Variants in ZNF184 observed in about 807,000 individuals in gnomAD.
ZNF184 encodes the protein zinc finger protein 184, also known as zinc finger protein 184 (Kruppel-like).
In ZNF184, 16 loss-of-function variants were observed where a neutral mutation model predicts 54.4. The ratio of observed to expected loss-of-function variants is 0.29; its 90% CI spans 0.20 to 0.45. The LOEUF is 0.45. Among genes scored for constraint, ZNF184 ranks in the 20% least tolerant of loss-of-function variants. The pLI is 1.00. For missense variants in ZNF184, 681 were observed against 888.2 expected (o/e 0.77, Z 2.97); for synonymous variants, 254 against 295.3 (o/e 0.86, Z 1.43).
chr6:27,414,959 C>T, the ZNF184 span, among the ~76,000 whole-genome samples: 1 of 152,162 alleles, frequency 6.6e-6, no homozygotes, highest in Non-Finnish European at 1.5e-5. Flanking sequence ...CTGGGCAAAT[C>T]ATTTAATCTC....
intron 3 of ZNF184, 97 bp from the exon 4 acceptor site, chr6:27,457,506 G>A (rs1762888188): frequency 2.3e-6 from 3 of 1,320,056 alleles, no homozygotes; most frequent in Non-Finnish European, 3.1e-6. Context: ...TCTATAGGAT[G>A]TCTGCAAAAT....
chr6:27,454,418 C>G (rs563399074), intron 5 of ZNF184, among the ~76,000 whole-genome samples: 7 of 152,098 alleles, frequency 4.6e-5, no homozygotes, highest in African/African-American at 9.7e-5. Context: ...GGAGGGACGA[C>G]ATCAATACAA....
At chr6:27,416,024 G>A in the ZNF184 span, among the ~76,000 whole-genome samples, 2 of 152,098 alleles carry the variant, frequency 1.3e-5, no homozygotes, top group Non-Finnish European at 2.9e-5. Context: ...GCTTGTAGAT[G>A]GCATTCTCCC....
At chr6:27,437,110 A>C in the ZNF184 span, among the ~76,000 whole-genome samples, 1 of 152,230 alleles carries the variant, frequency 6.6e-6, no homozygotes, top group African/African-American at 2.4e-5. Flanking sequence ...GAATTGTCAG[A>C]TGATTCCCAT....
At chr6:27,416,335 A>G in the ZNF184 span, among the ~76,000 whole-genome samples, 1 of 152,222 alleles carries the variant, frequency 6.6e-6, no homozygotes. Flanking sequence ...CAATTACCCA[A>G]AAGGATAGAG....
chr6:27,470,611 G>C (rs1223673386), intron 2 of ZNF184, among the ~76,000 whole-genome samples: 3 of 152,158 alleles, frequency 2.0e-5, no homozygotes, highest in Non-Finnish European at 4.4e-5. Flanking sequence ...TAAATGCACA[G>C]ACAGGTACCT....
intron 3 of ZNF184, among the ~76,000 whole-genome samples, chr6:27,458,312 A>C (rs1009094329): frequency 8.0e-5 from 12 of 150,324 alleles, no homozygotes; most frequent in African/African-American, 2.2e-4. Context: ...AAAAAAAAAA[A>C]AAAAAAAACA....
At chr6:27,458,441 T>C (rs1213285231) in intron 3 of ZNF184, among the ~76,000 whole-genome samples, 2 of 151,256 alleles carry the variant, frequency 1.3e-5, no homozygotes, top group Non-Finnish European at 2.9e-5. Flanking sequence ...AATAATACCA[T>C]TAAAAAGTGG....
At chr6:27,457,805 G>A (rs574491564) in intron 3 of ZNF184, among the ~76,000 whole-genome samples, 1 of 152,186 alleles carries the variant, frequency 6.6e-6, no homozygotes, top group African/African-American at 2.4e-5. Context: ...AAAAAGAGAG[G>A]TGGAAAGACT....
chr6:27,431,222 C>A, the ZNF184 span, among the ~76,000 whole-genome samples: 2 of 152,190 alleles, frequency 1.3e-5, no homozygotes, highest in African/African-American at 4.8e-5. Flanking sequence ...AGGCCACAAT[C>A]AAGATGAATC....
chr6:27,424,156 G>A, the ZNF184 span, among the ~76,000 whole-genome samples: 77,627 of 151,972 alleles, frequency 0.51, 20,511 homozygotes, highest in Middle Eastern at 0.72. Flanking sequence ...TGAAGCTGCA[G>A]ACCTTTGCGG....
At chr6:27,445,500 G>A in the ZNF184 span, among the ~76,000 whole-genome samples, 1 of 152,058 alleles carries the variant, frequency 6.6e-6, no homozygotes, top group Non-Finnish European at 1.5e-5. Flanking sequence ...TGCCATTATT[G>A]AGAAAGTGGG....
chr6:27,459,900 C>T (rs1762955431), intron 3 of ZNF184, among the ~76,000 whole-genome samples: 1 of 152,198 alleles, frequency 6.6e-6, no homozygotes, highest in African/African-American at 2.4e-5. Context: ...TGGTGGCTCA[C>T]ACCTGCAATC....
chr6:27,423,868 A>G, the ZNF184 span, among the ~76,000 whole-genome samples: 4 of 152,218 alleles, frequency 2.6e-5, no homozygotes, highest in African/African-American at 4.8e-5. Context: ...GAATTCTTAT[A>G]CCACGTATCA....
At chr6:27,444,714 C>T in the ZNF184 span, among the ~76,000 whole-genome samples, 1 of 152,188 alleles carries the variant, frequency 6.6e-6, no homozygotes, top group African/African-American at 2.4e-5. Context: ...TATTAAACCT[C>T]TCAGAAGTGT....
the ZNF184 span, among the ~76,000 whole-genome samples, chr6:27,431,786 T>A: frequency 6.6e-6 from 1 of 152,170 alleles, no homozygotes; most frequent in African/African-American, 2.4e-5. Context: ...TAATGAGTTG[T>A]GCTTAATCAA....
At chr6:27,426,713 ACAGT>A in the ZNF184 span, among the ~76,000 whole-genome samples, 1 of 152,258 alleles carries the variant, frequency 6.6e-6, no homozygotes, top group Non-Finnish European at 1.5e-5. The surrounding 1 kb of genome is among the most constrained non-coding windows in gnomAD (Gnocchi z 4.2). Flanking sequence ...TCCTTTTAAT[ACAGT>A]CAGATTTCAG....
In ZNF184 at chr6:27,450,986, G is replaced by T; in HGVS notation, c.*317C>A. ...CAACACAGCAAAATGCTGATGTATA[G>T]TAAACCCATTCAAGAAAATATTGTA... On this transcript the variant is annotated 3_prime_UTR_variant, in exon 6 of 6. Coordinates refer to ENST00000683788, the MANE Select transcript of ZNF184 (RefSeq NM_001318891.2). The T allele has an allele frequency of 4.4e-6, 1 of 227,100 alleles. No individual in the cohort carries two copies. Among genetic ancestry groups the T allele is most frequent in the Non-Finnish European group, 8.6e-6 (1 of 116,876 alleles). 14.1% of individuals were successfully genotyped at this position (227,100 alleles called of 1,614,324 possible).
At chr6:27,435,481 T>G in the ZNF184 span, among the ~76,000 whole-genome samples, 1 of 152,224 alleles carries the variant, frequency 6.6e-6, no homozygotes, top group African/African-American at 2.4e-5. Context: ...AATTTTTGTG[T>G]ATTGATTTTG....
Sources: gnomAD v4.1 joint callset for allele counts (sites outside exome capture counted in the v4.1 genomes callset) on GRCh38, gnomAD v4.1.1 for gene constraint, Gnocchi (gnomAD v3.1) non-coding constraint, MANE v1.5 for transcripts, NCBI Gene and HGNC (gene_info 2026-07-23, HGNC 2026-07-21) for gene names.